The following EIF2S3 variants were observed in gnomAD, a reference collection of about 807,000 sequenced individuals.
EIF2S3 encodes eukaryotic translation initiation factor 2 subunit gamma.
EIF2S3 carries 2 observed loss-of-function variants against 31.7 expected under a neutral mutation model. That is an observed-to-expected ratio of 0.06 (90% CI 0.03 to 0.20). The LOEUF (loss-of-function observed/expected upper bound fraction) is 0.20. EIF2S3 is among the 10% of genes least tolerant of loss of function. The pLI, the probability that EIF2S3 is intolerant of heterozygous loss-of-function variation, is 1.00. For missense variants in EIF2S3, 96 were observed against 359.3 expected (o/e 0.27, Z 5.92); for synonymous variants, 120 against 126.7 (o/e 0.95, Z 0.36).
At chrX:24,057,815 T>A (rs755435237) in intron 4 of EIF2S3, 61 bp downstream of exon 4, 724 of 1,117,863 alleles carry the variant, frequency 6.5e-4, no homozygotes, top group Non-Finnish European at 8.1e-4. Flanking sequence ...GTTTTGTGCT[T>A]TTTGAAATAT....
intron 6 of EIF2S3, among the ~76,000 whole-genome samples, chrX:24,063,526 T>C: frequency 8.9e-6 from 1 of 111,739 alleles, no homozygotes; most frequent in Middle Eastern, 4.6e-3. Context: ...ACACTTGTAA[T>C]ACCAAGACTT....
chrX:24,076,618 A>G, intron 11 of EIF2S3, 104 bp from the exon 12 acceptor site: 1 of 804,280 alleles, frequency 1.2e-6, no homozygotes, highest in Non-Finnish European at 1.8e-6. Context: ...TTGGGAACAA[A>G]TTTGAATTCA....
At chrX:24,068,830 T>C (rs1297447303) in intron 9 of EIF2S3, among the ~76,000 whole-genome samples, 2 of 111,460 alleles carry the variant, frequency 1.8e-5, no homozygotes, top group African/African-American at 6.5e-5. Flanking sequence ...TCCAATGAGG[T>C]AGAAATAAAA....
intron 1 of EIF2S3, 42 bp downstream of exon 1, chrX:24,055,079 T>C (rs764164814): frequency 8.5e-7 from 1 of 1,182,811 alleles, no homozygotes. Context: ...AGCTCAGGAG[T>C]GGAGGTGACC....
At chrX:24,061,275 A>C (rs771471876) in intron 5 of EIF2S3, among the ~76,000 whole-genome samples, 3,661 of 79,045 alleles carry the variant, frequency 0.046, 77 homozygotes, top group Middle Eastern at 0.12. Flanking sequence ...AAAAAAAAAA[A>C]GCTGGGTGCG....
intron 7 of EIF2S3, 63 bp downstream of exon 7, chrX:24,064,398 C>T: frequency 3.7e-6 from 4 of 1,077,838 alleles, no homozygotes; most frequent in Non-Finnish European, 3.7e-6. Context: ...GATTCCTCTT[C>T]AAGGATGTTT....
At chrX:24,055,142 C>T (rs1458083111) in intron 1 of EIF2S3, 105 bp downstream of exon 1, 1 of 957,151 alleles carries the variant, frequency 1.0e-6, no homozygotes, top group Non-Finnish European at 1.5e-6. Context: ...GGGTCAGGAG[C>T]CTGGGTCAGG....
chrX:24,056,229 C>T (rs1930401964), intron 2 of EIF2S3, among the ~76,000 whole-genome samples: 1 of 111,254 alleles, frequency 9.0e-6, no homozygotes, highest in East Asian at 2.8e-4. Flanking sequence ...AGTAAGACTC[C>T]ACCATGAGGC....
In EIF2S3 at chrX:24,057,665, G is replaced by A; in HGVS notation, c.294G>A (p.Arg98=). 8.3e-7 allele frequency: 1 copy of A among 1,211,551 alleles called. No individual in the cohort carries two copies. The highest frequency in any genetic ancestry group is 1.1e-6 in the Non-Finnish European group (1 of 895,434). ...IYKLDDPSCP[R]PECYRSCGSS... is the part of the protein sequence containing the mutation. ...AGCTTGATGACCCAAGTTGCCCTCG[G>A]CCAGAATGTTATAGATCTTGTGGGA... Residue 98 remains arginine (R), a synonymous_variant, in exon 4 of 12, where the codon CGG becomes CGA. Coordinates refer to ENST00000253039, the MANE Select transcript of EIF2S3 (RefSeq NM_001415.4).
At chrX:24,073,831 C>T (rs1930710037) in intron 11 of EIF2S3, among the ~76,000 whole-genome samples, 1 of 112,399 alleles carries the variant, frequency 8.9e-6, no homozygotes, top group Non-Finnish European at 1.9e-5. Flanking sequence ...CTTTGGAAAT[C>T]ATTTCACACT....
At chrX:24,058,961 G>T (rs189904612) in intron 4 of EIF2S3, among the ~76,000 whole-genome samples, 3 of 111,345 alleles carry the variant, frequency 2.7e-5, no homozygotes, top group African/African-American at 9.8e-5. Context: ...CTGGCCTCAA[G>T]TGATCTGCCC....
intron 2 of EIF2S3, 135 bp from the exon 3 acceptor site, chrX:24,057,286 C>T (rs1022091841): frequency 1.3e-4 from 102 of 814,903 alleles, no homozygotes; most frequent in Non-Finnish European, 2.2e-5. Flanking sequence ...ACCTCGGCCT[C>T]CCAAAGTGCT....
intron 4 of EIF2S3, among the ~76,000 whole-genome samples, chrX:24,059,513 C>T (rs975790593): frequency 1.8e-5 from 2 of 109,692 alleles, no homozygotes; most frequent in African/African-American, 3.3e-5. Context: ...ACCTCCACCT[C>T]CTGGGTTCAA....
chrX:24,057,365 A>C, intron 2 of EIF2S3, 56 bp from the exon 3 acceptor site: 2 of 1,156,194 alleles, frequency 1.7e-6, no homozygotes, highest in Admixed American at 5.4e-5. Context: ...TATTTGAAAA[A>C]ATATTTGGTA....
At chrX:24,055,250 C>A (rs978174690) in intron 1 of EIF2S3, among the ~76,000 whole-genome samples, 1 of 111,793 alleles carries the variant, frequency 8.9e-6, no homozygotes, top group South Asian at 3.7e-4. Flanking sequence ...CGTGGGACTT[C>A]TAGCTTCTGG....
intron 1 of EIF2S3, 108 bp downstream of exon 1, chrX:24,055,145 G>C (rs1416616790): frequency 1.1e-6 from 1 of 907,519 alleles, no homozygotes; most frequent in African/African-American, 2.0e-5. Context: ...TCAGGAGCCT[G>C]GGTCAGGAGG....
rs770703518 is a variant in EIF2S3, at chrX:24,078,223, A to G, written c.*1438A>G. Among the ~76,000 whole-genome samples the G allele has an allele frequency of 9.1e-6, 1 of 110,319 alleles. No homozygotes were observed. The highest frequency in any genetic ancestry group is 3.3e-5 in the African/African-American group (1 of 30,434). ...GTATTTTTAGTAGAGATGGGGTTTC[A>G]CCATGTTGCCCAGGCTGGTCTTGAA... On this transcript the variant is annotated 3_prime_UTR_variant, in exon 12 of 12. Transcript: ENST00000253039.
chrX:24,066,221 G>T, intron 8 of EIF2S3, 129 bp downstream of exon 8: 2 of 442,903 alleles, frequency 4.5e-6, no homozygotes. Context: ...TTTTTTCCAT[G>T]GTTTCTGGTA....
chrX:24,067,950 T>C lies in EIF2S3; in HGVS notation c.868-14T>C, dbSNP rs1930604649. ...GTAACACAGTAATTCTAATTACTAA[T>C]TATATGTTTACAGGTGGGCCAGGAG... On this transcript the variant is annotated splice_polypyrimidine_tract_variant and intron_variant, in intron 8 of 11. Coordinates refer to ENST00000253039, the MANE Select transcript of EIF2S3 (RefSeq NM_001415.4). The C allele has an allele frequency of 1.0e-5, 12 of 1,171,105 alleles. No individual in the cohort carries two copies. Among genetic ancestry groups the C allele is most frequent in the Non-Finnish European group, 1.4e-5 (12 of 872,334 alleles).
Sources: allele counts gnomAD v4.1 joint callset (sites outside exome capture counted in the v4.1 genomes callset), GRCh38; gene constraint gnomAD v4.1.1; transcripts MANE v1.5; gene names NCBI Gene and HGNC (gene_info 2026-07-23, HGNC 2026-07-21).